Variants in DENND1B observed in about 807,000 individuals in gnomAD.
DENND1B encodes the protein DENN domain-containing protein 1B.
In DENND1B, 59 loss-of-function variants were observed where a neutral mutation model predicts 90.1. The observed-to-expected ratio is 0.65, with a 90% CI of 0.53 to 0.81. The LOEUF (loss-of-function observed/expected upper bound fraction) is 0.81. Among genes scored for constraint, DENND1B ranks in the 40% least tolerant of loss-of-function variants. DENND1B has a pLI of 0.00. For synonymous variants in DENND1B, 337 were observed against 324.6 expected (o/e 1.04, Z -0.41); for missense variants, 862 against 912.6 (o/e 0.94, Z 0.71).
At chr1:197,754,659 C>CAAAAAAAAAAAAAAAAAAAAAAA (rs57926782) in intron 2 of DENND1B, among the ~76,000 whole-genome samples, 3 of 72,894 alleles carry the variant, frequency 4.1e-5, no homozygotes, top group African/African-American at 1.1e-4. Context: ...GACTCTGTCT[C>CAAAAAAAAAAAAAAAAAAAAAAA]AAAAAAAAAA....
chr1:197,718,105 T>C (rs976078920), intron 2 of DENND1B, among the ~76,000 whole-genome samples: 1 of 152,050 alleles, frequency 6.6e-6, no homozygotes, highest in Non-Finnish European at 1.5e-5. Context: ...CTAGGTAATG[T>C]CTGAGGTTAC....
chr1:197,549,174 T>C (rs1671035656), intron 16 of DENND1B, among the ~76,000 whole-genome samples: 1 of 152,148 alleles, frequency 6.6e-6, no homozygotes, highest in Middle Eastern at 3.2e-3. Context: ...AGTGATTTTC[T>C]CACACTTAAG....
chr1:197,558,357 C>A (rs940500167), intron 15 of DENND1B, among the ~76,000 whole-genome samples: 2 of 151,510 alleles, frequency 1.3e-5, no homozygotes, highest in African/African-American at 4.8e-5. Flanking sequence ...AATAATAATA[C>A]ATGTAATTCT....
At chr1:197,722,328 G>A (rs1378592787) in intron 2 of DENND1B, among the ~76,000 whole-genome samples, 2 of 151,796 alleles carry the variant, frequency 1.3e-5, no homozygotes. Context: ...CCTGTGTCTG[G>A]AGCTAGTAAC....
intron 1 of DENND1B, chr1:197,774,467 T>C (rs745943962): frequency 6.6e-6 from 1 of 152,180 alleles, no homozygotes; most frequent in Non-Finnish European, 1.5e-5. Context: ...ATCACCACCG[T>C]TATTAAAATT....
chr1:197,657,362 C>A (rs1653948693), intron 6 of DENND1B, among the ~76,000 whole-genome samples: 1 of 152,130 alleles, frequency 6.6e-6, no homozygotes, highest in Non-Finnish European at 1.5e-5. Flanking sequence ...TCCTGACTCT[C>A]CAGGTTGACT....
intron 15 of DENND1B, among the ~76,000 whole-genome samples, chr1:197,569,597 A>AG (rs1672980753): frequency 7.1e-6 from 1 of 140,540 alleles, no homozygotes; most frequent in Non-Finnish European, 1.6e-5. Flanking sequence ...CACACACACA[A>AG]TGGAACACTA....
rs1657157078 is a variant in DENND1B at position 197,775,170 on chromosome 1, G to A, written c.-15C>T. 2 of 1,289,842 alleles carry A rather than the reference G, an allele frequency of 1.6e-6. No individual in the cohort carries two copies. Among genetic ancestry groups the A allele is most frequent in the South Asian group, 2.8e-5 (1 of 35,102 alleles). The allele number at this position is 1,289,842 out of a possible 1,614,324, so 79.9% of individuals were successfully genotyped here. A position where few individuals can be genotyped will look rare whatever the true frequency, so the allele number is the denominator to read the frequency against. The stretch of plus-strand genomic sequence containing the variant: ...CTGCAGTCCATGGTTACATGTCGGT[G>A]TGGGGCTGTCCGTCCGGCCCCCGCG... On this transcript the variant is annotated 5_prime_UTR_variant, in exon 1 of 23. Coordinates refer to ENST00000620048, the MANE Select transcript of DENND1B (RefSeq NM_001195215.2).
At chr1:197,752,506 T>C (rs528843670) in intron 2 of DENND1B, among the ~76,000 whole-genome samples, 1 of 152,216 alleles carries the variant, frequency 6.6e-6, no homozygotes, top group East Asian at 1.9e-4. Flanking sequence ...TAAGTTTCTA[T>C]ATACATTGAA....
At chr1:197,628,165 G>A (rs2125889154) in intron 10 of DENND1B, among the ~76,000 whole-genome samples, 2 of 152,114 alleles carry the variant, frequency 1.3e-5, no homozygotes, top group African/African-American at 2.4e-5. Context: ...CACAGAATTG[G>A]AAAAAACTAC....
intron 5 of DENND1B, among the ~76,000 whole-genome samples, chr1:197,661,820 T>C (rs943657857): frequency 6.6e-6 from 1 of 152,064 alleles, no homozygotes; most frequent in Non-Finnish European, 1.5e-5. Flanking sequence ...TCTTCCCCTT[T>C]TAATTTCCTT....
At chr1:197,611,734 T>TA (rs1677197668) in intron 12 of DENND1B, among the ~76,000 whole-genome samples, 197 bp downstream of exon 12, 1 of 150,808 alleles carries the variant, frequency 6.6e-6, no homozygotes, top group East Asian at 1.9e-4. Context: ...TTTCATGCCA[T>TA]AAAAAATGGT....
chr1:197,611,243 A>G (rs1677158057), intron 12 of DENND1B, among the ~76,000 whole-genome samples: 1 of 150,924 alleles, frequency 6.6e-6, no homozygotes, highest in Admixed American at 6.6e-5. Flanking sequence ...CTTTGTTTTA[A>G]TTAAAGCCTT....
the DENND1B span, among the ~76,000 whole-genome samples, chr1:197,781,426 G>T: frequency 1.3e-5 from 2 of 152,104 alleles, no homozygotes; most frequent in African/African-American, 4.8e-5. Flanking sequence ...TTAACAAACT[G>T]AATTTATTGA....
chr1:197,582,641 T>C (rs1283944240), intron 15 of DENND1B, among the ~76,000 whole-genome samples: 3 of 152,228 alleles, frequency 2.0e-5, no homozygotes, highest in Non-Finnish European at 1.5e-5. Flanking sequence ...ATAGCAATTA[T>C]ATTTTCTGAA....
chr1:197,626,777 G>T (rs571594557), intron 10 of DENND1B, among the ~76,000 whole-genome samples: 1 of 151,798 alleles, frequency 6.6e-6, no homozygotes, highest in African/African-American at 2.4e-5. Flanking sequence ...TTGATAGACC[G>T]CTAGCAAGAC....
At chr1:197,625,672 T>A (rs1376938127) in intron 10 of DENND1B, among the ~76,000 whole-genome samples, 1 of 151,932 alleles carries the variant, frequency 6.6e-6, no homozygotes, top group African/African-American at 2.4e-5. Flanking sequence ...CAATATTAAC[T>A]TTAAATGTAA....
chr1:197,650,349 G>A (rs778027827), intron 7 of DENND1B, among the ~76,000 whole-genome samples: 3 of 151,916 alleles, frequency 2.0e-5, no homozygotes, highest in African/African-American at 4.8e-5. Flanking sequence ...CCTGATCACC[G>A]CATCCCACGT....
rs548391124 is a variant in DENND1B at position 197,565,536 on chromosome 1, T to C, written c.1150-12424A>G. The stretch of plus-strand genomic sequence containing the variant: ...TAAGTTTTAGGGTACATGTGCACAA[T>C]GTGCAGGTTAGTTACATATGCATAC... On this transcript the variant is annotated intron_variant, in intron 15 of 22. Transcript: ENST00000620048. Among the ~76,000 whole-genome samples, 15 of 152,004 alleles carry C rather than the reference T, an allele frequency of 9.9e-5. No homozygotes were observed. In the South Asian group the frequency reaches 3.1e-3, roughly 32 times the overall value.
Sources: gnomAD v4.1 joint callset for allele counts (sites outside exome capture counted in the v4.1 genomes callset) on GRCh38, gnomAD v4.1.1 for gene constraint, MANE v1.5 for transcripts, NCBI Gene and HGNC (gene_info 2026-07-23, HGNC 2026-07-21) for gene names.